HOMER2: variants seen among roughly 807,000 people sequenced by gnomAD.
HOMER2 encodes the protein homer scaffold protein 2.
HOMER2 carries 27 observed loss-of-function variants against 47.0 expected under a neutral mutation model. The ratio of observed to expected loss-of-function variants is 0.57; its 90% CI spans 0.42 to 0.79. The LOEUF (loss-of-function observed/expected upper bound fraction) is 0.79. Among genes scored for constraint, HOMER2 ranks in the 30% least tolerant of loss-of-function variants. HOMER2 has a pLI of 0.00. For missense variants in HOMER2, 443 were observed against 435.0 expected (o/e 1.02, Z -0.16); for synonymous variants, 161 against 163.8 (o/e 0.98, Z 0.13).
At chr15:82,851,755 C>A (rs1414846815) in intron 7 of HOMER2, among the ~76,000 whole-genome samples, 1 of 152,116 alleles carries the variant, frequency 6.6e-6, no homozygotes, top group Admixed American at 6.5e-5. Context: ...TAATGAGACT[C>A]CATCTTAAAT....
At chr15:82,936,377 G>A (rs908283969) in intron 1 of HOMER2, among the ~76,000 whole-genome samples, 16 of 152,318 alleles carry the variant, frequency 1.1e-4, no homozygotes, top group Admixed American at 9.8e-4. Flanking sequence ...CCAGGGACAG[G>A]TGGAGCTGTC....
chr15:82,955,154 ACTTT>A (rs921297814), upstream of HOMER2, among the ~76,000 whole-genome samples: 5 of 148,406 alleles, frequency 3.4e-5, no homozygotes, highest in African/African-American at 1.2e-4. Flanking sequence ...ACGTATTTTT[ACTTT>A]CTTTTTCTTT....
At chr15:82,855,575 TC>T (rs1196002822) in intron 5 of HOMER2, among the ~76,000 whole-genome samples, 1 of 152,098 alleles carries the variant, frequency 6.6e-6, no homozygotes. Flanking sequence ...GGAATAATGG[TC>T]CCACTGTAAC....
chr15:82,862,385 T>G (rs1239522338), intron 4 of HOMER2, among the ~76,000 whole-genome samples: 1 of 152,168 alleles, frequency 6.6e-6, no homozygotes, highest in Admixed American at 6.5e-5. Context: ...CCCAGCTACC[T>G]GGGAGGCCAA....
chr15:82,951,303 C>A (rs554894791), intron 1 of HOMER2, among the ~76,000 whole-genome samples: 2 of 152,220 alleles, frequency 1.3e-5, no homozygotes, highest in Non-Finnish European at 2.9e-5. Context: ...ACAGCCCTCA[C>A]ACTTCCATTC....
chr15:82,937,861 T>G (rs2054176079), intron 1 of HOMER2, among the ~76,000 whole-genome samples: 1 of 152,300 alleles, frequency 6.6e-6, no homozygotes, highest in Middle Eastern at 3.4e-3. Context: ...TACTCCCTGG[T>G]TGCTTGGCAT....
At chr15:82,942,795 G>A (rs966574518) in intron 1 of HOMER2, among the ~76,000 whole-genome samples, 1 of 151,990 alleles carries the variant, frequency 6.6e-6, no homozygotes, top group African/African-American at 2.4e-5. Context: ...CGGCCTTCCC[G>A]ATCCTCTGGC....
At chr15:82,859,172 G>A in intron 4 of HOMER2, 37 bp from the exon 5 acceptor site, 4 of 1,613,658 alleles carry the variant, frequency 2.5e-6, no homozygotes, top group Non-Finnish European at 3.4e-6. Context: ...CAGATTCCTG[G>A]CCAAAGTGAA....
chr15:82,973,749 C>T (rs150344222), intron 1 of HOMER2, among the ~76,000 whole-genome samples: 86 of 152,306 alleles, frequency 5.6e-4, no homozygotes, highest in African/African-American at 1.9e-3. Flanking sequence ...AGCAAAGTCA[C>T]TCAGGTCATC....
chr15:82,924,755 AC>A (rs958708958), intron 1 of HOMER2, among the ~76,000 whole-genome samples: 3 of 151,994 alleles, frequency 2.0e-5, no homozygotes, highest in Non-Finnish European at 4.4e-5. Flanking sequence ...CATACATCTC[AC>A]CCAATTTTCC....
upstream of HOMER2, among the ~76,000 whole-genome samples, chr15:82,955,799 C>T (rs140296606): frequency 2.6e-5 from 4 of 152,168 alleles, no homozygotes; most frequent in South Asian, 2.1e-4. Flanking sequence ...GCAAAACAGA[C>T]GTCCTTCTGT....
intron 1 of HOMER2, among the ~76,000 whole-genome samples, chr15:82,910,429 T>C (rs1419415310): frequency 2.0e-5 from 3 of 152,220 alleles, no homozygotes; most frequent in Non-Finnish European, 4.4e-5. Flanking sequence ...GGGGTATTTA[T>C]GGACCTTAAG....
chr15:82,943,186 T>A (rs567193218), intron 1 of HOMER2, among the ~76,000 whole-genome samples: 42 of 152,380 alleles, frequency 2.8e-4, no homozygotes, highest in African/African-American at 1.0e-3. Context: ...ACACATTTTC[T>A]ATTTAATCAC....
intron 1 of HOMER2, among the ~76,000 whole-genome samples, chr15:82,975,194 A>T (rs1475646314): frequency 6.6e-6 from 1 of 152,252 alleles, no homozygotes; most frequent in African/African-American, 2.4e-5. Context: ...AATGGTTTAT[A>T]TCCAAAAGAC....
chr15:82,837,883 A>G (rs1181734601), exon 2 of HOMER2: 2 of 152,326 alleles, frequency 1.3e-5, no homozygotes, highest in Admixed American at 6.5e-5. Flanking sequence ...GAAAACATGA[A>G]TGAATGATTT....
chr15:82,954,093 A>C (rs1010218820), upstream of HOMER2, among the ~76,000 whole-genome samples: 1 of 152,052 alleles, frequency 6.6e-6, no homozygotes, highest in African/African-American at 2.4e-5. Context: ...AAATAAATAA[A>C]TACAAAATAA....
chr15:82,896,679 C>T (rs1156233542), intron 1 of HOMER2, among the ~76,000 whole-genome samples: 1 of 151,804 alleles, frequency 6.6e-6, no homozygotes, highest in Non-Finnish European at 1.5e-5. Context: ...CCTCCAGAGG[C>T]CAAAGACCTG....
intron 1 of HOMER2, chr15:82,898,585 G>A (rs1232948314): frequency 6.6e-6 from 1 of 152,116 alleles, no homozygotes; most frequent in African/African-American, 2.4e-5. Flanking sequence ...ACCAATTGCT[G>A]TTCATTGAAC....
intron 1 of HOMER2, among the ~76,000 whole-genome samples, chr15:82,969,653 C>A (rs543411870): frequency 6.6e-6 from 1 of 152,054 alleles, no homozygotes; most frequent in South Asian, 2.1e-4. Flanking sequence ...CTTAAAGAGA[C>A]GAAGAGACAT....
Sources: allele counts gnomAD v4.1 joint callset (sites outside exome capture counted in the v4.1 genomes callset), GRCh38; gene constraint gnomAD v4.1.1; transcripts MANE v1.5; gene names NCBI Gene and HGNC (gene_info 2026-07-23, HGNC 2026-07-21).